The following DPH6 variants were observed in gnomAD, a reference collection of about 807,000 sequenced individuals.
The protein encoded by DPH6 is diphthamine biosynthesis 6.
A neutral mutation model predicts 38.2 loss-of-function variants in DPH6; 33 were observed. The observed-to-expected ratio is 0.86, with a 90% CI of 0.65 to 1.15. The LOEUF (loss-of-function observed/expected upper bound fraction) is 1.15, where lower values mean the gene tolerates loss of function less well. DPH6 is among the 50% of genes most tolerant of loss of function. The pLI is 0.00. For missense variants in DPH6, 325 were observed against 320.0 expected (o/e 1.02, Z -0.12); for synonymous variants, 108 against 103.0 (o/e 1.05, Z -0.30).
chr15:35,419,452 CT>C (rs1482555576), intron 5 of DPH6, among the ~76,000 whole-genome samples: 13 of 152,044 alleles, frequency 8.6e-5, no homozygotes, highest in Non-Finnish European at 1.6e-4. Context: ...CACGTGACTT[CT>C]TTGCTTTGAA....
chr15:35,496,226 C>T, intron 3 of DPH6, among the ~76,000 whole-genome samples: 1 of 151,920 alleles, frequency 6.6e-6, no homozygotes, highest in East Asian at 1.9e-4. Context: ...AAGATATTTA[C>T]AATACACGTA....
intron 3 of DPH6, among the ~76,000 whole-genome samples, chr15:35,487,585 G>A (rs1160349003): frequency 6.6e-6 from 1 of 152,244 alleles, no homozygotes; most frequent in African/African-American, 2.4e-5. Flanking sequence ...AGGCTGTGCA[G>A]AGCAGTGGGG....
chr15:35,343,032 T>C (rs1397825704), intron 3 of DPH6, among the ~76,000 whole-genome samples: 3 of 152,190 alleles, frequency 2.0e-5, no homozygotes. Flanking sequence ...TCCATATATA[T>C]TTCAGTAAGT....
At chr15:35,325,407 T>C (rs897692057) in intron 3 of DPH6, among the ~76,000 whole-genome samples, 4 of 152,136 alleles carry the variant, frequency 2.6e-5, no homozygotes, top group African/African-American at 9.6e-5. Context: ...TAAAAGAGTT[T>C]GGAGAAAGGG....
chr15:35,237,598 G>A (rs921879175), intron 3 of DPH6: 26 of 1,594,126 alleles, frequency 1.6e-5, no homozygotes, highest in Non-Finnish European at 1.9e-5. Context: ...CGAACCTCAC[G>A]CATCTAAATT....
At chr15:35,314,955 C>G (rs1199941850) in intron 3 of DPH6, among the ~76,000 whole-genome samples, 3 of 152,090 alleles carry the variant, frequency 2.0e-5, no homozygotes, top group African/African-American at 7.2e-5. Context: ...AAAAAAAGGT[C>G]ACGGTCATTG....
the DPH6 span, among the ~76,000 whole-genome samples, chr15:35,148,350 T>C: frequency 1.3e-5 from 2 of 152,360 alleles, no homozygotes; most frequent in South Asian, 2.1e-4. Flanking sequence ...GAACATTATG[T>C]ATCAGTTTCT....
intron 3 of DPH6, among the ~76,000 whole-genome samples, chr15:35,499,478 T>A (rs2054598452): frequency 6.6e-6 from 1 of 152,150 alleles, no homozygotes. Flanking sequence ...CAGAAATATC[T>A]CCATTCCCTA....
downstream of DPH6, among the ~76,000 whole-genome samples, chr15:35,214,006 C>G (rs1004223903): frequency 2.6e-5 from 4 of 151,572 alleles, no homozygotes; most frequent in South Asian, 6.3e-4. Flanking sequence ...CAGCTACTCG[C>G]GAGGCTGAGG....
chr15:35,396,786 GT>G (rs1361345304), intron 6 of DPH6, among the ~76,000 whole-genome samples: 1 of 152,118 alleles, frequency 6.6e-6, no homozygotes, highest in Non-Finnish European at 1.5e-5. Flanking sequence ...TTTCAAAGAT[GT>G]TCCAAACCCT....
chr15:35,148,909 T>C, the DPH6 span, among the ~76,000 whole-genome samples: 1 of 152,170 alleles, frequency 6.6e-6, no homozygotes, highest in Non-Finnish European at 1.5e-5. Context: ...CTATGACACT[T>C]GACTCTGAAT....
At chr15:35,226,702 T>G (rs563024970) in intron 3 of DPH6, among the ~76,000 whole-genome samples, 2 of 152,314 alleles carry the variant, frequency 1.3e-5, no homozygotes, top group Admixed American at 1.3e-4. Flanking sequence ...AATGGAAAGA[T>G]ATTCCATGTT....
At chr15:35,413,250 T>A (rs763688750) in intron 5 of DPH6, among the ~76,000 whole-genome samples, 4 of 151,708 alleles carry the variant, frequency 2.6e-5, no homozygotes, top group African/African-American at 7.2e-5. Flanking sequence ...GTTTTCTATC[T>A]GTTGAAAGCA....
the DPH6 span, among the ~76,000 whole-genome samples, chr15:35,162,132 A>G: frequency 6.6e-6 from 1 of 151,960 alleles, no homozygotes; most frequent in Non-Finnish European, 1.5e-5. Flanking sequence ...CAAGACATGT[A>G]CATTGTTAGC....
At chr15:35,274,627 A>C (rs1024573653) in intron 3 of DPH6, among the ~76,000 whole-genome samples, 12 of 152,346 alleles carry the variant, frequency 7.9e-5, no homozygotes, top group Non-Finnish European at 1.8e-4. Context: ...TGCAGCCAAC[A>C]AACATATGAA....
chr15:35,405,021 A>AGGTG (rs2053272948), intron 6 of DPH6, among the ~76,000 whole-genome samples: 1 of 152,102 alleles, frequency 6.6e-6, no homozygotes, highest in Non-Finnish European at 1.5e-5. Flanking sequence ...TTTGTCAAAA[A>AGGTG]TGAATTTGTT....
At chr15:35,167,748 C>T in the DPH6 span, among the ~76,000 whole-genome samples, 1 of 151,974 alleles carries the variant, frequency 6.6e-6, no homozygotes, top group African/African-American at 2.4e-5. Context: ...AATTAACCTA[C>T]AATGTTTCCA....
downstream of DPH6, among the ~76,000 whole-genome samples, chr15:35,327,587 T>C (rs372510047): frequency 2.3e-4 from 35 of 152,098 alleles, no homozygotes; most frequent in African/African-American, 7.0e-4. Context: ...CCTCGTGATC[T>C]GCCCACCTCG....
chr15:35,420,307 G>GA (rs1221620480), intron 5 of DPH6, among the ~76,000 whole-genome samples: 1 of 152,096 alleles, frequency 6.6e-6, no homozygotes, highest in Non-Finnish European at 1.5e-5. Context: ...GCAGTTCTAA[G>GA]AGGGAAGTTT....
Sources: gnomAD v4.1 joint callset for allele counts (sites outside exome capture counted in the v4.1 genomes callset) on GRCh38, gnomAD v4.1.1 for gene constraint, MANE v1.5 for transcripts, NCBI Gene and HGNC (gene_info 2026-07-23, HGNC 2026-07-21) for gene names.